The following KAT14 variants were observed in gnomAD, a reference collection of about 807,000 sequenced individuals.
KAT14 encodes lysine acetyltransferase 14, also known as cysteine-rich protein 2-binding protein.
Under a neutral mutation model 78.4 loss-of-function variants are expected in KAT14, and 66 were observed. The ratio of observed to expected loss-of-function variants is 0.84; its 90% CI spans 0.69 to 1.03. The LOEUF (loss-of-function observed/expected upper bound fraction) is 1.03, where lower values mean the gene tolerates loss of function less well. KAT14 is among the 50% of genes least tolerant of loss of function. KAT14 has a pLI of 0.00. For synonymous variants in KAT14, 344 were observed against 359.4 expected, an observed-to-expected ratio of 0.96 and a Z score of 0.48; for missense variants, 870 against 972.5, an observed-to-expected ratio of 0.89 and a Z score of 1.40.
intron 7 of KAT14, among the ~76,000 whole-genome samples, chr20:18,174,347 T>G (rs56001239): frequency 0.3 from 35,157 of 117,734 alleles, 3,885 homozygotes; most frequent in Middle Eastern, 0.43. Flanking sequence ...TGGAATTGCT[T>G]TGTCAAATGT....
chr20:18,144,206 A>G (rs1437606281), intron 2 of KAT14, among the ~76,000 whole-genome samples: 1 of 152,226 alleles, frequency 6.6e-6, no homozygotes, highest in Non-Finnish European at 1.5e-5. Context: ...TAATAGTAAC[A>G]TTTTCACAGG....
chr20:18,183,747 GA>G (rs1174074252), intron 9 of KAT14, among the ~76,000 whole-genome samples: 2 of 152,198 alleles, frequency 1.3e-5, no homozygotes, highest in Non-Finnish European at 2.9e-5. Context: ...CACAGACTGA[GA>G]ATAAGGGTAA....
chr20:18,144,823 G>T (rs577695853), intron 2 of KAT14, among the ~76,000 whole-genome samples: 14 of 152,198 alleles, frequency 9.2e-5, no homozygotes, highest in Admixed American at 2.6e-4. Flanking sequence ...TCAGGGAAGT[G>T]CAAACCTGTG....
chr20:18,182,505 T>G (rs1481598481), intron 8 of KAT14, among the ~76,000 whole-genome samples: 2 of 152,340 alleles, frequency 1.3e-5, no homozygotes, highest in African/African-American at 4.8e-5. Flanking sequence ...CAGTTGAGCC[T>G]CCATCTGGAC....
intron 7 of KAT14, among the ~76,000 whole-genome samples, chr20:18,178,501 A>C (rs149184055): frequency 0.011 from 1,636 of 152,300 alleles, 17 homozygotes; most frequent in South Asian, 0.029. Flanking sequence ...CCTCAGAATC[A>C]TGGTGGGAGG....
In KAT14 at chr20:18,187,460, T is replaced by C. The variant is rs751631568; in HGVS notation, c.*1T>C. On this transcript the variant is annotated 3_prime_UTR_variant, in exon 11 of 11. Transcript: ENST00000688188. Reference sequence around the variant, plus strand: ...ATTCTTTCTGAGGCTCCGGCGCTGATGCGAATACAGCTCACAGAGAAACGC... The same window carrying C: ...ATTCTTTCTGAGGCTCCGGCGCTGACGCGAATACAGCTCACAGAGAAACGC... 1 of 1,613,954 alleles carries C rather than the reference T, an allele frequency of 6.2e-7. No homozygotes were observed. Among genetic ancestry groups the C allele is most frequent in the African/African-American group, 1.3e-5 (1 of 75,052 alleles).
intron 1 of KAT14, among the ~76,000 whole-genome samples, chr20:18,141,055 T>C (rs1478456105): frequency 7.5e-6 from 1 of 132,732 alleles, no homozygotes; most frequent in African/African-American, 2.9e-5. Flanking sequence ...TTATTTTTAT[T>C]TTTGCTAGAG....
Position 18,162,248 on chromosome 20 carries a change from T to G in KAT14, c.1099+9T>G. ...ACAAGCCTTGTTTCATGGTAAGAGT[T>G]TGTTTGCTTTGCTCTTTTATTTTGG... is the stretch of plus-strand genomic sequence containing the variant. On this transcript the variant is annotated intron_variant, in intron 6 of 10. Transcript: ENST00000688188. 2 of 1,613,620 alleles carry G rather than the reference T, an allele frequency of 1.2e-6. No homozygotes were observed. Among genetic ancestry groups the G allele is most frequent in the Non-Finnish European group, 1.7e-6 (2 of 1,179,744 alleles).
chr20:18,156,325 G>A (rs2146402234), intron 4 of KAT14, among the ~76,000 whole-genome samples: 1 of 152,280 alleles, frequency 6.6e-6, no homozygotes, highest in East Asian at 1.9e-4. Context: ...GGTGGTGATT[G>A]TACCATATAA....
intron 7 of KAT14, among the ~76,000 whole-genome samples, chr20:18,163,259 C>G (rs2038514959): frequency 6.6e-6 from 1 of 152,170 alleles, no homozygotes; most frequent in Non-Finnish European, 1.5e-5. Flanking sequence ...TGTGTCGTAG[C>G]TTTGACAAAT....
chr20:18,174,812 C>T (rs996765061), intron 7 of KAT14, among the ~76,000 whole-genome samples: 2 of 151,580 alleles, frequency 1.3e-5, no homozygotes, highest in African/African-American at 2.4e-5. Flanking sequence ...TACAGGTGCC[C>T]GCCACCACAC....
chr20:18,139,451 A>G (rs1286759853), intron 1 of KAT14, among the ~76,000 whole-genome samples: 1 of 152,180 alleles, frequency 6.6e-6, no homozygotes, highest in Non-Finnish European at 1.5e-5. Flanking sequence ...GAAAGTTTTT[A>G]CAATGTGACT....
intron 2 of KAT14, among the ~76,000 whole-genome samples, chr20:18,144,696 T>C (rs1205217): frequency 0.58 from 87,980 of 151,970 alleles, 25,801 homozygotes; most frequent in Non-Finnish European, 0.63. Context: ...TTGATGCATT[T>C]TATCTGGGCT....
At chr20:18,141,897 TA>T (rs1285915283) in intron 1 of KAT14, among the ~76,000 whole-genome samples, 1 of 150,970 alleles carries the variant, frequency 6.6e-6, no homozygotes, top group African/African-American at 2.4e-5. Context: ...AAAAAATAAA[TA>T]AAAAAAAATT....
intron 1 of KAT14, among the ~76,000 whole-genome samples, chr20:18,140,152 G>A (rs2037475130): frequency 1.3e-5 from 2 of 152,220 alleles, no homozygotes; most frequent in African/African-American, 4.8e-5. Context: ...AGGTGTGGAA[G>A]GAATGATTCT....
At chr20:18,183,412 T>A (rs965273713) in intron 9 of KAT14, 114 bp downstream of exon 9, 2 of 1,392,722 alleles carry the variant, frequency 1.4e-6, no homozygotes, top group African/African-American at 1.5e-5. Context: ...TTTCGTTTAG[T>A]TTGTCTCTGC....
At chr20:18,138,161 C>G (rs2037369235) in intron 1 of KAT14, 110 bp downstream of exon 1, 4 of 1,335,598 alleles carry the variant, frequency 3.0e-6, no homozygotes, top group Non-Finnish European at 3.8e-6. Context: ...GTCTTTCCCC[C>G]GCGGTGGCGC....
In KAT14 at chr20:18,162,412, C is replaced by T; in HGVS notation, c.1135C>T (p.Pro379Ser). Residue 379 changes from proline (P) to serine (S), a missense_variant, in exon 7 of 11, where the codon CCA (proline) becomes TCA (serine). Physicochemically the swap from Pro to Ser is moderately conservative, Grantham distance 74. Coordinates refer to ENST00000688188, the MANE Select transcript of KAT14 (RefSeq NM_001392073.1). ...DEMEGDGVID[P>S]GMEYVPPPAG... is the part of the protein sequence containing the mutation. ...GATGGAAGGCGATGGAGTCATAGAC[C>T]CAGGGATGGAGTACGTCCCACCCCC... The T allele has an allele frequency of 6.2e-7, 1 of 1,613,720 alleles. No individual in the cohort carries two copies. The highest frequency in any genetic ancestry group is 1.1e-5 in the South Asian group (1 of 91,018).
intron 10 of KAT14, among the ~76,000 whole-genome samples, chr20:18,186,245 A>G (rs2039447888): frequency 6.6e-6 from 1 of 152,160 alleles, no homozygotes; most frequent in Non-Finnish European, 1.5e-5. Context: ...CAGCCAGACC[A>G]TACCCCTGAG....
Sources: gnomAD v4.1 joint callset for allele counts (sites outside exome capture counted in the v4.1 genomes callset) on GRCh38, gnomAD v4.1.1 for gene constraint, MANE v1.5 for transcripts, NCBI Gene and HGNC (gene_info 2026-07-23, HGNC 2026-07-21) for gene names.